The following DDR1 variants were observed in gnomAD, a reference collection of about 807,000 sequenced individuals.
DDR1 encodes the protein epithelial discoidin domain-containing receptor 1.
In DDR1, 64 loss-of-function variants were observed where a neutral mutation model predicts 97.4. The ratio of observed to expected loss-of-function variants is 0.66; its 90% CI spans 0.54 to 0.81. DDR1 has a LOEUF of 0.81. DDR1 is among the 30% of genes least tolerant of loss of function. The pLI, the probability that DDR1 is intolerant of heterozygous loss-of-function variation, is 0.00. For synonymous variants in DDR1, 458 were observed against 503.7 expected, an observed-to-expected ratio of 0.91 and a Z score of 1.21; for missense variants, 990 against 1,259.6, an observed-to-expected ratio of 0.79 and a Z score of 3.24.
At chr6:30,893,515 A>G (rs1789466311) in intron 10 of DDR1, 92 bp downstream of exon 10, 10 of 1,489,866 alleles carry the variant, frequency 6.7e-6, no homozygotes, top group Middle Eastern at 2.3e-4. Flanking sequence ...ACAGCCCACT[A>G]GCATCCCAAG....
At position 30,896,816 on chromosome 6, in the gene DDR1, G is replaced by C; in HGVS notation, c.1820G>C (p.Arg607Pro). 1 of 1,591,126 alleles carries C rather than the reference G, an allele frequency of 6.3e-7. No homozygotes were observed. Among genetic ancestry groups the C allele is most frequent in the Non-Finnish European group, 8.6e-7 (1 of 1,167,004 alleles). ...GGGCCCCCCAGAGTGGATTTCCCTC[G>C]ATCTCGACTCCGCTTCAAGGAGAAG... ...GDGPPRVDFP[R>P]SRLRFKEKLG... Residue 607 changes from arginine (R) to proline (P), a missense_variant, in exon 13 of 18, where the codon CGA (arginine) becomes CCA (proline). Transcript: ENST00000376568.
chr6:30,889,474 C>T lies in DDR1; in HGVS notation c.417+44C>T. ...GCACCCAGAGGAGGTTGGCTCTCCT[C>T]ACTTCCAGCTGTACTTTAAACACCA... On this transcript the variant is annotated intron_variant, in intron 4 of 17. Coordinates refer to ENST00000376568, the MANE Select transcript of DDR1 (RefSeq NM_001297654.2). The surrounding 1 kb of genome is among the most constrained non-coding windows in gnomAD (Gnocchi z 4.9). The T allele has an allele frequency of 3.6e-6, 5 of 1,392,154 alleles. No individual in the cohort carries two copies. The highest frequency in any genetic ancestry group is 4.8e-6 in the Non-Finnish European group (5 of 1,049,228). The allele number at this position is 1,392,154 out of a possible 1,614,324, so 86.2% of individuals were successfully genotyped here.
chr6:30,887,086 C>G (rs1046032090), intron 1 of DDR1: 1 of 152,108 alleles, frequency 6.6e-6, no homozygotes, highest in Non-Finnish European at 1.5e-5. Context: ...GTCCAGGGAC[C>G]ACCCTGGGCC....
rs751989944 is a variant in DDR1 at position 30,892,464 on chromosome 6, C to T, written c.1021C>T (p.Arg341Cys). ...GGCTGTCTCAGTGCCCCTTGGCGGC[C>T]GTGTGGCTCGCTTTCTGCAGTGCCG... ...ARAVSVPLGGRVARFLQCRFL... is the reference protein window; with the variant it reads ...ARAVSVPLGGCVARFLQCRFL... Residue 341 changes from arginine (R) to cysteine (C), a missense_variant, in exon 8 of 18, where the codon CGT (arginine) becomes TGT (cysteine). Arg to Cys is a radical substitution (Grantham distance 180). Transcript: ENST00000376568. 3.7e-5 allele frequency: 60 copies of T among 1,610,032 alleles called. No individual in the cohort carries two copies. Among genetic ancestry groups the T allele is most frequent in the Non-Finnish European group, 4.5e-5 (53 of 1,179,664 alleles).
Position 30,899,957 on chromosome 6 carries a change from G to T in DDR1, c.*661G>T. The T allele has an allele frequency of 1.8e-6, 1 of 563,008 alleles. No individual in the cohort carries two copies. The highest frequency in any genetic ancestry group is 1.5e-5 in the South Asian group (1 of 67,436). The allele number at this position is 563,008 out of a possible 1,614,324, so 34.9% of individuals were successfully genotyped here. On this transcript the variant is annotated 3_prime_UTR_variant, in exon 18 of 18. Transcript: ENST00000376568. ...GTGGAGTAAATATTGGGATTGGGGG[G>T]AAAGAGGGAGCAACGGCCCATAGCC...
rs200860286 is a variant in DDR1, at chr6:30,895,525, C to T, written c.1624+11C>T. ...CCACCAACACCCAGGGTAAGCCCCT[C>T]TGCCCCTGGGCTCCGCCAGGCTCCC... On this transcript the variant is annotated intron_variant, in intron 12 of 17. Transcript: ENST00000376568. 4 of 1,559,230 alleles carry T rather than the reference C, an allele frequency of 2.6e-6. No individual in the cohort carries two copies. The highest frequency in any genetic ancestry group is 3.5e-6 in the Non-Finnish European group (4 of 1,148,606).
upstream of DDR1, chr6:30,882,969 CTGT>C: frequency 7.2e-6 from 1 of 138,698 alleles, no homozygotes; most frequent in African/African-American, 2.6e-5. This position sits in a 1 kb window ranked among gnomAD's most constrained non-coding sequence, Gnocchi z 4.8. Context: ...TCCCCAGCTG[CTGT>C]TCTCTGGAGG....
rs573764162 is a variant in DDR1 at position 30,890,863 on chromosome 6, C to T, written c.418-110C>T. 4.0e-4 allele frequency: 483 copies of T among 1,220,842 alleles called. No homozygotes were observed. In the African/African-American group the frequency reaches 4.7e-3, roughly 12 times the overall value. The allele number at this position is 1,220,842 out of a possible 1,614,324, so 75.6% of individuals were successfully genotyped here. On this transcript the variant is annotated intron_variant, in intron 4 of 17. Transcript: ENST00000376568. This position sits in a 1 kb window ranked among gnomAD's most constrained non-coding sequence, Gnocchi z 5.0. Reference sequence around the variant, plus strand: ...GTGCTGTGTGCTCGGTGCCACCCCTCATGGGTCTCTAAGTGGCCACTGTGG... The same window carrying T: ...GTGCTGTGTGCTCGGTGCCACCCCTTATGGGTCTCTAAGTGGCCACTGTGG...
Position 30,898,966 on chromosome 6 carries a change from C to A in DDR1, c.2530C>A (p.Pro844Thr). Residue 844 changes from proline (P) to threonine (T), a missense_variant, in exon 17 of 18, where the codon CCC becomes ACC. By Grantham distance (38) the Pro-to-Thr change is conservative. Transcript: ENST00000376568. ...GGTGCTGATGCTCTGTAGGGCCCAG[C>A]CCTTTGGGCAGCTCACCGACGAGCA... ...WEVLMLCRAQ[P>T]FGQLTDEQVI... The A allele has an allele frequency of 6.2e-7, 1 of 1,614,122 alleles. No individual in the cohort carries two copies. Among genetic ancestry groups the A allele is most frequent in the South Asian group, 1.1e-5 (1 of 91,078 alleles).
chr6:30,895,333 A>G, intron 11 of DDR1, 71 bp from the exon 12 acceptor site: 1 of 1,183,312 alleles, frequency 8.5e-7, no homozygotes. Context: ...TGCCCTATTC[A>G]AGGTCTCCCT....
chr6:30,891,982 C>G lies in DDR1; in HGVS notation c.666-20C>G, dbSNP rs1293290251. 1.9e-6 allele frequency: 3 copies of G among 1,613,036 alleles called. No individual in the cohort carries two copies. The South Asian group carries it at 3.3e-5, about 18-fold the overall frequency. On this transcript the variant is annotated intron_variant, in intron 6 of 17. Coordinates refer to ENST00000376568, the MANE Select transcript of DDR1 (RefSeq NM_001297654.2). The surrounding 1 kb of genome is among the most constrained non-coding windows in gnomAD (Gnocchi z 5.3). ...CCTCTTCCCTTCCAACCTCCTCTTC[C>G]TTGGTCCCCTCTTCTCCAGACTGCA...
Position 30,890,521 on chromosome 6 carries a change from A to G in DDR1, c.418-452A>G. ...CAGCTGTTTTCCCTGCTGGGATCTC[A>G]GTCCTACAAGGGTGGGGAGTGACGT... On this transcript the variant is annotated intron_variant, in intron 4 of 17. Transcript: ENST00000376568. This position sits in a 1 kb window ranked among gnomAD's most constrained non-coding sequence, Gnocchi z 5.0. 1 of 161,964 alleles carries G rather than the reference A, an allele frequency of 6.2e-6. No individual in the cohort carries two copies. Among genetic ancestry groups the G allele is most frequent in the Non-Finnish European group, 1.3e-5 (1 of 75,114 alleles). The allele number at this position is 161,964 out of a possible 1,614,324, so 10.0% of individuals were successfully genotyped here.
chr6:30,890,957 G>A lies in DDR1; in HGVS notation c.418-16G>A, dbSNP rs1164555250. ...CTGGACTCCATCCCACCCACCCCCT[G>A]TTTCCTGGCCCACAGGTGATCTCAG... On this transcript the variant is annotated splice_polypyrimidine_tract_variant and intron_variant, in intron 4 of 17. Coordinates refer to ENST00000376568, the MANE Select transcript of DDR1 (RefSeq NM_001297654.2). This position sits in a 1 kb window ranked among gnomAD's most constrained non-coding sequence, Gnocchi z 5.0. The A allele has an allele frequency of 1.3e-6, 2 of 1,557,190 alleles. No individual in the cohort carries two copies. The highest frequency in any genetic ancestry group is 1.9e-5 in the Admixed American group (1 of 53,150).
rs768604088 is a variant in DDR1 at position 30,900,016 on chromosome 6, T to C, written c.*720T>C. 1.9e-5 allele frequency: 11 copies of C among 594,244 alleles called. No homozygotes were observed. The highest frequency in any genetic ancestry group is 9.0e-5 in the African/African-American group (5 of 55,490). 36.8% of individuals were successfully genotyped at this position (594,244 alleles called of 1,614,324 possible). On this transcript the variant is annotated 3_prime_UTR_variant, in exon 18 of 18. Coordinates refer to ENST00000376568, the MANE Select transcript of DDR1 (RefSeq NM_001297654.2). ...GGACATCTCTAGTGTAGCTGCCACATTGATTTTTCTATAATCACTTGGGGT... is the reference window on the plus strand; with the variant it reads ...GGACATCTCTAGTGTAGCTGCCACACTGATTTTTCTATAATCACTTGGGGT...
In DDR1 at chr6:30,892,984, T is replaced by C; in HGVS notation, c.1100-84T>C. On this transcript the variant is annotated intron_variant, in intron 8 of 17. Transcript: ENST00000376568. ...TGAGAATCACCCATGCTTCTGCTCC[T>C]TTGCACAACAGTCCACTGCCTCTGC... 3 of 1,226,192 alleles carry C rather than the reference T, an allele frequency of 2.4e-6. No individual in the cohort carries two copies. In the Admixed American group the frequency reaches 5.7e-5, roughly 23 times the overall value. 76.0% of individuals were successfully genotyped at this position (1,226,192 alleles called of 1,614,324 possible). A position where few individuals can be genotyped will look rare whatever the true frequency, so the allele number is the denominator to read the frequency against.
Position 30,892,173 on chromosome 6 carries a change from C to A in DDR1, c.837C>A (p.Ala279=), listed in dbSNP as rs1418714642. The part of the protein sequence containing the change: ...EMEFEFDRLR[A]FQAMQVHCNN... ...AGTTTGAGTTTGACCGGCTGAGGGC[C>A]TTCCAGGCTATGCAGGTGAGTGAGT... Residue 279 remains alanine (A), a synonymous_variant, in exon 7 of 18, where the codon GCC becomes GCA. Transcript: ENST00000376568. 2 of 1,614,176 alleles carry A rather than the reference C, an allele frequency of 1.2e-6. No homozygotes were observed. The highest frequency in any genetic ancestry group is 1.7e-6 in the Non-Finnish European group (2 of 1,180,002).
chr6:30,890,772 G>T lies in DDR1; in HGVS notation c.418-201G>T. ...TGAAGTCTGAGGATGGAACATCAGAGCTGCGACAGAGCCAGAGGTCTCAGC... is the reference window on the plus strand; with the variant it reads ...TGAAGTCTGAGGATGGAACATCAGATCTGCGACAGAGCCAGAGGTCTCAGC... On this transcript the variant is annotated intron_variant, in intron 4 of 17. Transcript: ENST00000376568. The surrounding 1 kb of genome is among the most constrained non-coding windows in gnomAD (Gnocchi z 5.0). The T allele has an allele frequency of 1.9e-6, 1 of 533,424 alleles. No individual in the cohort carries two copies. Among genetic ancestry groups the T allele is most frequent in the Non-Finnish European group, 3.2e-6 (1 of 310,384 alleles). The allele number at this position is 533,424 out of a possible 1,614,324, so 33.0% of individuals were successfully genotyped here.
In DDR1 at chr6:30,886,180, TC is replaced by T. The variant is rs1229976622; in HGVS notation, c.-43+1472del. 1.3e-5 allele frequency among the ~76,000 whole-genome samples: 2 copies of T among 152,104 alleles called. No individual in the cohort carries two copies. The highest frequency in any genetic ancestry group is 2.9e-5 in the Non-Finnish European group (2 of 68,002). The stretch of plus-strand genomic sequence containing the variant: ...CTTGCATTGTGGCTCTCGCTCTGTC[TC>T]CGCCTGCCTCGTATCCTCTGCCTGC... On this transcript the variant is annotated intron_variant, in intron 1 of 17. Coordinates refer to ENST00000376568, the MANE Select transcript of DDR1 (RefSeq NM_001297654.2). This position sits in a 1 kb window ranked among gnomAD's most constrained non-coding sequence, Gnocchi z 4.6.
intron 1 of DDR1, chr6:30,885,241 A>C: frequency 2.0e-6 from 3 of 1,532,966 alleles, no homozygotes; most frequent in Non-Finnish European, 2.6e-6. Flanking sequence ...GGTGAGCGCC[A>C]GCTTCAGGGT....
Sources: allele counts gnomAD v4.1 joint callset (sites outside exome capture counted in the v4.1 genomes callset), GRCh38; gene constraint gnomAD v4.1.1; non-coding constraint Gnocchi (gnomAD v3.1); transcripts MANE v1.5; gene names NCBI Gene and HGNC (gene_info 2026-07-23, HGNC 2026-07-21).